The following MLLT3 variants were observed in gnomAD, a reference collection of about 807,000 sequenced individuals.
MLLT3 encodes the protein MLLT3 super elongation complex subunit, also known as protein AF-9.
In MLLT3, 4 loss-of-function variants were observed where a neutral mutation model predicts 53.2. That is an observed-to-expected ratio of 0.08 (90% CI 0.04 to 0.17). The LOEUF (loss-of-function observed/expected upper bound fraction) is 0.17. MLLT3 is among the 10% of genes least tolerant of loss of function. The pLI is 1.00. For synonymous variants in MLLT3, 283 were observed against 230.6 expected (o/e 1.23, Z -2.06); for missense variants, 569 against 684.0 (o/e 0.83, Z 1.87).
chr9:20,544,500 A>G (rs1231028916), intron 2 of MLLT3, among the ~76,000 whole-genome samples: 3 of 152,222 alleles, frequency 2.0e-5, no homozygotes, highest in Admixed American at 6.5e-5. Flanking sequence ...CAACATCACT[A>G]ATTATCAGGG....
intron 2 of MLLT3, among the ~76,000 whole-genome samples, chr9:20,597,938 A>C (rs1437444925): frequency 3.9e-5 from 6 of 152,212 alleles, no homozygotes; most frequent in Non-Finnish European, 7.4e-5. Context: ...TTTAAAATCA[A>C]CCAGGTCCTG....
intron 5 of MLLT3, among the ~76,000 whole-genome samples, chr9:20,386,207 G>A (rs1047750048): frequency 3.3e-5 from 5 of 152,304 alleles, no homozygotes; most frequent in Non-Finnish European, 7.4e-5. Context: ...ATTAGAGTAA[G>A]TAAATACAAG....
chr9:20,381,249 A>T (rs1379136834), intron 5 of MLLT3, among the ~76,000 whole-genome samples: 1 of 151,920 alleles, frequency 6.6e-6, no homozygotes, highest in Non-Finnish European at 1.5e-5. Context: ...CATATACAAC[A>T]TTTACATATA....
intron 4 of MLLT3, among the ~76,000 whole-genome samples, chr9:20,432,414 A>G (rs1823295276): frequency 1.3e-5 from 2 of 152,202 alleles, no homozygotes; most frequent in African/African-American, 2.4e-5. Context: ...CTTATTACCA[A>G]AAGTATAATG....
At chr9:20,609,870 T>C (rs749954780) in intron 2 of MLLT3, among the ~76,000 whole-genome samples, 2 of 152,078 alleles carry the variant, frequency 1.3e-5, no homozygotes, top group Non-Finnish European at 2.9e-5. Context: ...CATATATTGG[T>C]ATTTTATTTT....
chr9:20,549,468 G>T (rs951991504), intron 2 of MLLT3, among the ~76,000 whole-genome samples: 1 of 120,558 alleles, frequency 8.3e-6, no homozygotes, highest in Non-Finnish European at 1.8e-5. Flanking sequence ...CATTTACTCC[G>T]TGCCAGGAAC....
At chr9:20,389,107 C>A (rs1253462649) in intron 5 of MLLT3, among the ~76,000 whole-genome samples, 3 of 152,166 alleles carry the variant, frequency 2.0e-5, no homozygotes, top group Non-Finnish European at 4.4e-5. Context: ...AAGGTGAAAA[C>A]AATCCAAGTG....
chr9:20,409,517 A>G (rs1375856747), intron 5 of MLLT3, among the ~76,000 whole-genome samples: 1 of 152,208 alleles, frequency 6.6e-6, no homozygotes, highest in Non-Finnish European at 1.5e-5. Context: ...AGTGTCAGTC[A>G]CCAGTCACTT....
intron 2 of MLLT3, among the ~76,000 whole-genome samples, chr9:20,614,010 T>A (rs1820763440): frequency 6.6e-6 from 1 of 152,144 alleles, no homozygotes; most frequent in Non-Finnish European, 1.5e-5. Flanking sequence ...TAAATCCATA[T>A]ACAATGTCAT....
chr9:20,395,578 G>C (rs946669098), intron 5 of MLLT3, among the ~76,000 whole-genome samples: 1 of 152,036 alleles, frequency 6.6e-6, no homozygotes. Flanking sequence ...CTTTCATGTT[G>C]GCTATGTGTT....
rs1453407877 is a variant in MLLT3, at chr9:20,414,046, C to G, written c.800G>C (p.Ser267Thr). 1 of 1,614,040 alleles carries G rather than the reference C, an allele frequency of 6.2e-7. No homozygotes were observed. Among genetic ancestry groups the G allele is most frequent in the African/African-American group, 1.3e-5 (1 of 74,926 alleles). The change falls in exon 5 of 11, where the codon AGT becomes ACT. Residue 267 changes from serine to threonine, a missense_variant. By Grantham distance (58) the Ser-to-Thr change is moderately conservative. Transcript: ENST00000380338. ...KPMSKEPKPDSNLLTITSGQD... is the reference protein window; with the variant it reads ...KPMSKEPKPDTNLLTITSGQD... ...TCCACTGGTGATGGTGAGTAAGTTA[C>G]TATCTGGTTTTGGCTCTTTTGACAT...
Position 20,622,302 on chromosome 9 carries a change from CCT to C in MLLT3, c.-48_-47del. The C allele has an allele frequency of 2.7e-6, 4 of 1,499,622 alleles. No individual in the cohort carries two copies. Among genetic ancestry groups the C allele is most frequent in the Non-Finnish European group, 3.6e-6 (4 of 1,114,992 alleles). The allele number at this position is 1,499,622 out of a possible 1,614,324, so 92.9% of individuals were successfully genotyped here. On this transcript the variant is annotated 5_prime_UTR_variant, in exon 1 of 11. Coordinates refer to ENST00000380338, the MANE Select transcript of MLLT3 (RefSeq NM_004529.4). ...GCTGGGGTGTTGTGTGGTACCCCCC[CCT>C]CCTCCGCCCCCCCTCAGCTGTAATT...
intron 5 of MLLT3, among the ~76,000 whole-genome samples, chr9:20,375,687 A>C (rs58432882): frequency 0.19 from 28,619 of 148,130 alleles, 6,981 homozygotes; most frequent in African/African-American, 0.57. Context: ...CAGCTCACTG[A>C]AAGCTCCGCC....
chr9:20,513,341 G>A (rs1254221045), intron 2 of MLLT3, among the ~76,000 whole-genome samples: 1 of 152,144 alleles, frequency 6.6e-6, no homozygotes, highest in Non-Finnish European at 1.5e-5. Context: ...CTGTCAGTCC[G>A]ATGAGACACA....
chr9:20,452,879 T>C (rs1358112487), intron 3 of MLLT3, among the ~76,000 whole-genome samples: 1 of 152,132 alleles, frequency 6.6e-6, no homozygotes, highest in Admixed American at 6.5e-5. Flanking sequence ...AAATGAATTG[T>C]CAATCAATAG....
Position 20,495,712 on chromosome 9 carries a change from C to T in MLLT3, c.194-38926G>A, listed in dbSNP as rs572800731. 1.7e-3 allele frequency among the ~76,000 whole-genome samples: 252 copies of T among 152,156 alleles called. 2 individuals are homozygous for T. The highest frequency in any genetic ancestry group is 5.9e-3 in the African/African-American group (245 of 41,540). The stretch of plus-strand genomic sequence containing the variant: ...CTAAAGAATTGTCCTCTTTTTCAAG[C>T]CTAAGATGGGTCTTGTGGATGAAAT... On this transcript the variant is annotated intron_variant, in intron 2 of 10. Coordinates refer to ENST00000380338, the MANE Select transcript of MLLT3 (RefSeq NM_004529.4).
At chr9:20,436,742 T>C (rs1823416476) in intron 4 of MLLT3, among the ~76,000 whole-genome samples, 1 of 152,188 alleles carries the variant, frequency 6.6e-6, no homozygotes, top group African/African-American at 2.4e-5. Context: ...TGTAAAATGG[T>C]GACCTTGACC....
chr9:20,360,091 A>G (rs1821277007), intron 8 of MLLT3, among the ~76,000 whole-genome samples: 1 of 152,234 alleles, frequency 6.6e-6, no homozygotes, highest in Admixed American at 6.5e-5. Flanking sequence ...CTCAAGTTGT[A>G]ACAATGATAA....
intron 8 of MLLT3, among the ~76,000 whole-genome samples, chr9:20,356,998 C>T (rs1022319504): frequency 2.6e-5 from 4 of 152,188 alleles, no homozygotes; most frequent in Non-Finnish European, 5.9e-5. Flanking sequence ...TTTGTCAAAA[C>T]CTCATTCTGA....
Sources: allele counts gnomAD v4.1 joint callset (sites outside exome capture counted in the v4.1 genomes callset), GRCh38; gene constraint gnomAD v4.1.1; transcripts MANE v1.5; gene names NCBI Gene and HGNC (gene_info 2026-07-23, HGNC 2026-07-21).